The following DYNC1H1 variants were observed in gnomAD, a reference collection of about 807,000 sequenced individuals.
DYNC1H1 encodes the protein dynein cytoplasmic 1 heavy chain 1.
A neutral mutation model predicts 527.1 loss-of-function variants in DYNC1H1; 51 were observed. The observed-to-expected ratio is 0.10, with a 90% confidence interval of 0.08 to 0.12. The LOEUF (loss-of-function observed/expected upper bound fraction) is 0.12. Ranked by LOEUF, DYNC1H1 falls within the 10% of genes least tolerant of loss-of-function variation. The probability of loss-of-function intolerance (pLI) is 1.00; values close to 1 mark genes in which losing one functional copy is unlikely to be tolerated. For missense variants in DYNC1H1, 2,771 were observed against 5,971.8 expected (o/e 0.46, Z 17.66); for synonymous variants, 2,189 against 2,278.8 (o/e 0.96, Z 1.12).
Position 102,042,160 on chromosome 14 carries a change from C to T in DYNC1H1, c.12214+36C>T, listed in dbSNP as rs563346867. On this transcript the variant is annotated intron_variant, in intron 66 of 77. Transcript: ENST00000360184. This position sits in a 1 kb window ranked among gnomAD's most constrained non-coding sequence, Gnocchi z 5.7. ...TTGAGGGGCTTCATGGGCTGGAGCC[C>T]TGCAGGATTTGTGGTGGGCATTGAT... 3.1e-6 allele frequency: 5 copies of T among 1,613,974 alleles called. No individual in the cohort carries two copies. The highest frequency in any genetic ancestry group is 1.7e-5 in the Admixed American group (1 of 59,996).
At position 101,964,661 on chromosome 14, in the gene DYNC1H1, A is replaced by C; in HGVS notation, c.-31A>C. 1 of 1,567,924 alleles carries C rather than the reference A, an allele frequency of 6.4e-7. No individual in the cohort carries two copies. ...CTCGCTGAGTCGCGGCCGCCTTCTC[A>C]TCGCTCCTGGAAGGTCCCGAGCGCG... On this transcript the variant is annotated 5_prime_UTR_variant, in exon 1 of 78. Transcript: ENST00000360184. The surrounding 1 kb of genome is among the most constrained non-coding windows in gnomAD (Gnocchi z 5.5).
intron 72 of DYNC1H1, among the ~76,000 whole-genome samples, chr14:102,046,212 C>T (rs1469789466): frequency 2.0e-5 from 3 of 151,864 alleles, no homozygotes; most frequent in African/African-American, 7.3e-5. Flanking sequence ...CCTGCCCAGG[C>T]GCACTCTATC....
Position 101,988,785 on chromosome 14 carries a change from C to G in DYNC1H1, c.2801C>G (p.Ala934Gly). 6.2e-7 allele frequency: 1 copy of G among 1,614,170 alleles called. No homozygotes were observed. Among genetic ancestry groups the G allele is most frequent in the Non-Finnish European group, 8.5e-7 (1 of 1,180,036 alleles). ...QVLLGQAEDK[A>G]EVDMDTDAPQ... is the part of the protein sequence containing the mutation. The stretch of plus-strand genomic sequence containing the variant: ...CTTCTTGGACAAGCTGAAGATAAAG[C>G]AGAAGTTGACATGGACACAGATGCT... The change falls in exon 10 of 78, where the codon GCA becomes GGA. Residue 934 changes from alanine to glycine, a missense_variant. Coordinates refer to ENST00000360184, the MANE Select transcript of DYNC1H1 (RefSeq NM_001376.5).
At position 102,012,882 on chromosome 14, in the gene DYNC1H1, A is replaced by T. The variant is rs2048273776; in HGVS notation, c.7014+412A>T. 3.1e-6 allele frequency: 1 copy of T among 318,226 alleles called. No individual in the cohort carries two copies. The highest frequency in any genetic ancestry group is 6.1e-6 in the Non-Finnish European group (1 of 165,184). 19.7% of individuals were successfully genotyped at this position (318,226 alleles called of 1,614,324 possible). On this transcript the variant is annotated intron_variant, in intron 34 of 77. Transcript: ENST00000360184. This position sits in a 1 kb window ranked among gnomAD's most constrained non-coding sequence, Gnocchi z 4.9. ...GCCTGACAACACCTACTGATCAGTA[A>T]ACACAGTCAGGCCCGGTATGGATTT...
rs773408379 is a variant in DYNC1H1 at position 101,986,188 on chromosome 14, G to A, written c.1963G>A (p.Asp655Asn). The change falls in exon 8 of 78, where the codon GAC (aspartate) becomes AAC (asparagine). Residue 655 changes from aspartate (D) to asparagine (N), a missense_variant. Coordinates refer to ENST00000360184, the MANE Select transcript of DYNC1H1 (RefSeq NM_001376.5). The surrounding 1 kb of genome is among the most constrained non-coding windows in gnomAD (Gnocchi z 8.7). ...SGSIIWAKQI[D>N]RQLTAYMKRV... ...GTCTATCATCTGGGCTAAACAGATC[G>A]ACAGGCAGCTGACGGCCTACATGAA... The A allele has an allele frequency of 8.7e-6, 14 of 1,614,052 alleles. No individual in the cohort carries two copies. Among genetic ancestry groups the A allele is most frequent in the South Asian group, 4.4e-5 (4 of 91,072 alleles).
At chr14:102,040,140 C>A in intron 62 of DYNC1H1, 96 bp from the exon 63 acceptor site, 1 of 1,528,790 alleles carries the variant, frequency 6.5e-7, no homozygotes, top group East Asian at 2.2e-5. Flanking sequence ...CCACTGTGCC[C>A]GGCCTGTTTT....
chr14:101,999,389 C>T (rs1198354629), intron 16 of DYNC1H1, among the ~76,000 whole-genome samples: 2 of 152,300 alleles, frequency 1.3e-5, no homozygotes, highest in East Asian at 1.9e-4. Context: ...GCAGTCTCCC[C>T]GCCTTCACCT....
At chr14:102,006,647 C>T (rs2141290077) in intron 27 of DYNC1H1, among the ~76,000 whole-genome samples, 1 of 151,914 alleles carries the variant, frequency 6.6e-6, no homozygotes, top group East Asian at 1.9e-4. Flanking sequence ...GTCTCCCAGG[C>T]TGGAGTTCAG....
Position 102,048,205 on chromosome 14 carries a change from C to T in DYNC1H1, c.13218+177C>T, listed in dbSNP as rs921319994. The T allele has an allele frequency of 1.4e-5, 12 of 856,930 alleles. No individual in the cohort carries two copies. The African/African-American group carries it at 1.5e-4, about 11-fold the overall frequency. The allele number at this position is 856,930 out of a possible 1,614,324, so 53.1% of individuals were successfully genotyped here. A position where few individuals can be genotyped will look rare whatever the true frequency, so the allele number is the denominator to read the frequency against. On this transcript the variant is annotated intron_variant, in intron 73 of 77. Transcript: ENST00000360184. Reference sequence around the variant, plus strand: ...AGGCATTGGGCAAGATGAGTTGGCCCTTTTGAAATGGACTGAAAACACCCT... The same window carrying T: ...AGGCATTGGGCAAGATGAGTTGGCCTTTTTGAAATGGACTGAAAACACCCT...
At position 102,054,715 on chromosome 14, in the gene DYNC1H1, C is replaced by T. The variant is rs2048858276; in HGVS notation, c.*4152C>T. ...TCCCAAGCAGCTGGGACTACAGGCA[C>T]CCACCACCATGCCCGGCTAATTTTT... On this transcript the variant is annotated 3_prime_UTR_variant, in exon 78 of 78. Transcript: ENST00000360184. 1 of 152,188 alleles carries T rather than the reference C, an allele frequency of 6.6e-6. No individual in the cohort carries two copies. The highest frequency in any genetic ancestry group is 1.5e-5 in the Non-Finnish European group (1 of 68,128). 9.4% of individuals were successfully genotyped at this position (152,188 alleles called of 1,614,324 possible).
At position 102,015,399 on chromosome 14, in the gene DYNC1H1, T is replaced by C; in HGVS notation, c.7242+67T>C. 6 of 1,506,620 alleles carry C rather than the reference T, an allele frequency of 4.0e-6. No homozygotes were observed. The highest frequency in any genetic ancestry group is 5.4e-6 in the Non-Finnish European group (6 of 1,115,274). The allele number at this position is 1,506,620 out of a possible 1,614,324, so 93.3% of individuals were successfully genotyped here. On this transcript the variant is annotated intron_variant, in intron 35 of 77. Transcript: ENST00000360184. The surrounding 1 kb of genome is among the most constrained non-coding windows in gnomAD (Gnocchi z 6.9). ...CTAGGATATTCAGATGTGGTCTCGC[T>C]GTGTTGCCCACGCTGGTCTTGAACT...
chr14:102,048,388 C>A, intron 73 of DYNC1H1, 128 bp from the exon 74 acceptor site: 1 of 1,300,526 alleles, frequency 7.7e-7, no homozygotes, highest in Non-Finnish European at 1.1e-6. Flanking sequence ...TCTGCCAAAG[C>A]TGTCCGTGAC....
Position 102,000,001 on chromosome 14 carries a change from C to T in DYNC1H1, c.3817C>T (p.Pro1273Ser), listed in dbSNP as rs1422044803. 1 of 1,614,174 alleles carries T rather than the reference C, an allele frequency of 6.2e-7. No homozygotes were observed. Among genetic ancestry groups the T allele is most frequent in the Admixed American group, 1.7e-5 (1 of 60,004 alleles). Reference sequence around the variant, plus strand: ...TGACTGCTTTCAGGGCAACCTTCGCCCAGAAGAGGCACTTCAGGCTCTCAC... The same window carrying T: ...TGACTGCTTTCAGGGCAACCTTCGCTCAGAAGAGGCACTTCAGGCTCTCAC... ...KTKPVTGNLR[P>S]EEALQALTIY... The change falls in exon 17 of 78, where the codon CCA becomes TCA. Residue 1273 changes from proline (P) to serine (S), a missense_variant. Pro to Ser is a moderately conservative substitution (Grantham distance 74). This residue lies in a region of DYNC1H1 where 223 missense variants were observed against 462.5 expected (regional missense o/e 0.48). Coordinates refer to ENST00000360184, the MANE Select transcript of DYNC1H1 (RefSeq NM_001376.5).
At position 102,016,067 on chromosome 14, in the gene DYNC1H1, A is replaced by T. The variant is rs1346014628; in HGVS notation, c.7454A>T (p.Gln2485Leu). The T allele has an allele frequency of 6.2e-7, 1 of 1,611,162 alleles. No homozygotes were observed. The highest frequency in any genetic ancestry group is 2.2e-5 in the East Asian group (1 of 44,750). Residue 2485 changes from glutamine to leucine, a missense_variant, in exon 36 of 78, where the codon CAG becomes CTG. Gln to Leu is a moderately radical substitution (Grantham distance 113). Around this residue, in one of 32 missense-constraint regions of DYNC1H1, gnomAD observed 122 missense variants for 168.4 expected, o/e 0.72. Coordinates refer to ENST00000360184, the MANE Select transcript of DYNC1H1 (RefSeq NM_001376.5). The surrounding 1 kb of genome is among the most constrained non-coding windows in gnomAD (Gnocchi z 7.3). ...CCCGACTTCCCCATGCAGATCGAGC[A>T]GCTGGAGCGCTACATTCAGGTCAGG... ...NHPDFPMQIE[Q>L]LERYIQRYLV...
chr14:102,003,172 C>G (rs1330974273), intron 23 of DYNC1H1, among the ~76,000 whole-genome samples: 1 of 152,114 alleles, frequency 6.6e-6, no homozygotes, highest in African/African-American at 2.4e-5. Context: ...TTAAATTGTC[C>G]TACCTTGGAT....
chr14:101,964,914 C>T lies in DYNC1H1; in HGVS notation c.223C>T (p.His75Tyr), dbSNP rs1162552295. ...MRKFLSDPQV[H>Y]TVLVERSTLK... Reference sequence around the variant, plus strand: ...CAAGTTCCTTTCGGACCCGCAGGTCCACACGGTGCTGGTGGAGCGCTCCAC... The same window carrying T: ...CAAGTTCCTTTCGGACCCGCAGGTCTACACGGTGCTGGTGGAGCGCTCCAC... The change falls in exon 1 of 78, where the codon CAC becomes TAC. Residue 75 changes from histidine to tyrosine, a missense_variant. By Grantham distance (83) the His-to-Tyr change is moderately conservative. Around this residue, in one of 32 missense-constraint regions of DYNC1H1, gnomAD observed 101 missense variants for 105.3 expected, o/e 0.96. Coordinates refer to ENST00000360184, the MANE Select transcript of DYNC1H1 (RefSeq NM_001376.5). The surrounding 1 kb of genome is among the most constrained non-coding windows in gnomAD (Gnocchi z 5.5). The T allele has an allele frequency of 1.9e-6, 3 of 1,600,452 alleles. No homozygotes were observed. In the Admixed American group the frequency reaches 5.2e-5, roughly 27 times the overall value.
At chr14:101,967,075 A>G (rs1259178543) in intron 1 of DYNC1H1, among the ~76,000 whole-genome samples, 4 of 152,212 alleles carry the variant, frequency 2.6e-5, no homozygotes, top group Non-Finnish European at 5.9e-5. Context: ...TTTATTTTTC[A>G]CTTACAAAAA....
At chr14:101,978,906 C>A (rs753184220) in intron 2 of DYNC1H1, among the ~76,000 whole-genome samples, 40 of 152,108 alleles carry the variant, frequency 2.6e-4, no homozygotes, top group Non-Finnish European at 1.5e-5. Flanking sequence ...GGATACATAG[C>A]AGGAGGTGAA....
intron 34 of DYNC1H1, among the ~76,000 whole-genome samples, chr14:102,014,801 T>A (rs2048301004): frequency 6.6e-6 from 1 of 152,166 alleles, no homozygotes; most frequent in African/African-American, 2.4e-5. Flanking sequence ...AGGTGTTTTT[T>A]GTTTTTTTTA....
Sources: allele counts gnomAD v4.1 joint callset (sites outside exome capture counted in the v4.1 genomes callset), GRCh38; gene constraint gnomAD v4.1.1; regional missense constraint gnomAD v4.1.1; non-coding constraint Gnocchi (gnomAD v3.1); transcripts MANE v1.5; gene names NCBI Gene and HGNC (gene_info 2026-07-23, HGNC 2026-07-21).